CPXM2: variants seen among roughly 807,000 people sequenced by gnomAD.
CPXM2 encodes inactive carboxypeptidase-like protein X2.
A neutral mutation model predicts 86.1 loss-of-function variants in CPXM2; 66 were observed. That is an observed-to-expected ratio of 0.77 (90% CI 0.63 to 0.94). The LOEUF is 0.94. Ranked by LOEUF, CPXM2 falls within the 40% of genes least tolerant of loss-of-function variation. The pLI is 0.00. For synonymous variants in CPXM2, 388 were observed against 400.2 expected, an observed-to-expected ratio of 0.97 and a Z score of 0.36; for missense variants, 948 against 1,026.3, an observed-to-expected ratio of 0.92 and a Z score of 1.04.
Position 123,768,729 on chromosome 10 carries a change from T to C in CPXM2, c.1103-7A>G, listed in dbSNP as rs1288500259. The stretch of plus-strand genomic sequence containing the variant: ...TAGTGGAACTCGGGCTCACCTTTAC[T>C]CAAAGACAGAGAGAAGCACAGGTTC... On this transcript the variant is annotated splice_polypyrimidine_tract_variant and splice_region_variant and intron_variant, in intron 8 of 13. Transcript: ENST00000241305. The C allele has an allele frequency of 7.5e-6, 12 of 1,605,888 alleles. 1 individual carries two copies. Among genetic ancestry groups the C allele is most frequent in the Non-Finnish European group, 1.0e-5 (12 of 1,179,434 alleles).
At position 123,903,895 on chromosome 10, in the gene CPXM2, A is replaced by C. The variant is rs143807230; in HGVS notation, n.175-23586T>G. Among the ~76,000 whole-genome samples, 892 of 152,294 alleles carry C rather than the reference A, an allele frequency of 5.9e-3. 15 individuals are homozygous for C. The highest frequency in any genetic ancestry group is 0.031 in the Admixed American group (470 of 15,306). The stretch of plus-strand genomic sequence containing the variant: ...CAGAAATAGGAGATGTGCTGGGGGA[A>C]GCTCTCAGACTCTGGCGTGGGTTTG... On this transcript the variant is annotated intron_variant and non_coding_transcript_variant, in intron 2 of 19. Coordinates refer to the CPXM2 transcript ENST00000368854.
rs202210136 is a variant in CPXM2 at position 123,880,238 on chromosome 10, G to A, written c.376C>T (p.Arg126Cys). 21 of 1,497,290 alleles carry A rather than the reference G, an allele frequency of 1.4e-5. No individual in the cohort carries two copies. The highest frequency in any genetic ancestry group is 3.4e-5 in the South Asian group (3 of 89,262). The allele number at this position is 1,497,290 out of a possible 1,614,324, so 92.8% of individuals were successfully genotyped here. A position where few individuals can be genotyped will look rare whatever the true frequency, so the allele number is the denominator to read the frequency against. Residue 126 changes from arginine to cysteine, a missense_variant, in exon 2 of 14, where the codon CGT becomes TGT. By Grantham distance (180) the Arg-to-Cys change is radical. Transcript: ENST00000241305. ...EKAANDDHSV[R>C]VAREDVRESC... ...TCTCTGACATCTTCACGGGCCACAC[G>A]GACACTGTGATCATCGTTGGCAGCC... is the stretch of plus-strand genomic sequence containing the variant.
chr10:123,901,903 T>C (rs1945385702), intron 2 of CPXM2, among the ~76,000 whole-genome samples: 1 of 152,160 alleles, frequency 6.6e-6, no homozygotes, highest in Non-Finnish European at 1.5e-5. Flanking sequence ...GTGTCATCAC[T>C]CGGAGGTAAG....
Position 123,799,109 on chromosome 10 carries a change from A to T in CPXM2, c.738+6T>A. 1.2e-6 allele frequency: 2 copies of T among 1,613,916 alleles called. No homozygotes were observed. Among genetic ancestry groups the T allele is most frequent in the Non-Finnish European group, 1.7e-6 (2 of 1,179,996 alleles). On this transcript the variant is annotated splice_donor_region_variant and intron_variant, in intron 5 of 13. Coordinates refer to ENST00000241305, the MANE Select transcript of CPXM2 (RefSeq NM_198148.3). ...AAGGCATGGTTAAATGGAGGATGAGACTCACCATGTCTCCAGATCCATTCT... is the reference window on the plus strand; with the variant it reads ...AAGGCATGGTTAAATGGAGGATGAGTCTCACCATGTCTCCAGATCCATTCT...
intron 7 of CPXM2, among the ~76,000 whole-genome samples, chr10:123,779,785 T>C (rs1043635442): frequency 6.6e-6 from 1 of 152,238 alleles, no homozygotes; most frequent in Middle Eastern, 3.2e-3. Context: ...TGTATGTAAG[T>C]TGATCCTATG....
intron 4 of CPXM2, among the ~76,000 whole-genome samples, chr10:123,805,390 G>A (rs998475658): frequency 6.6e-6 from 1 of 151,736 alleles, no homozygotes. Context: ...CATAAATTTC[G>A]ATAGGTCATA....
intron 6 of CPXM2, among the ~76,000 whole-genome samples, chr10:123,795,454 G>C (rs7906697): frequency 0.81 from 123,133 of 152,108 alleles, 50,128 homozygotes; most frequent in African/African-American, 0.88. Context: ...AAAGGTAAAT[G>C]AATGTTTCGT....
At chr10:123,877,084 C>T (rs1945000459) in intron 2 of CPXM2, among the ~76,000 whole-genome samples, 1 of 152,176 alleles carries the variant, frequency 6.6e-6, no homozygotes, top group South Asian at 2.1e-4. Flanking sequence ...ATGTAAAAAA[C>T]AAGCCCTCAT....
intron 2 of CPXM2, among the ~76,000 whole-genome samples, chr10:123,873,533 G>C (rs371118677): frequency 3.9e-5 from 6 of 152,152 alleles, no homozygotes; most frequent in African/African-American, 1.4e-4. Context: ...AAATGTGTGC[G>C]TGTGTGTTTA....
upstream of CPXM2, among the ~76,000 whole-genome samples, chr10:123,893,667 CA>C (rs1347616531): frequency 1.3e-5 from 2 of 152,050 alleles, no homozygotes; most frequent in African/African-American, 4.8e-5. Flanking sequence ...CCTGGATCCC[CA>C]CCCACCCTCC....
intron 11 of CPXM2, among the ~76,000 whole-genome samples, chr10:123,759,594 G>A (rs1262021163): frequency 1.3e-5 from 2 of 152,230 alleles, no homozygotes; most frequent in African/African-American, 4.8e-5. Context: ...GTGTGAACAA[G>A]GGGCCATGAC....
At chr10:123,816,469 G>C (rs1847816917) in intron 4 of CPXM2, among the ~76,000 whole-genome samples, 1 of 152,210 alleles carries the variant, frequency 6.6e-6, no homozygotes, top group Non-Finnish European at 1.5e-5. Flanking sequence ...TCAAGGGCTT[G>C]AAAGGTAGTG....
At chr10:123,783,587 C>T (rs2134034682) in intron 6 of CPXM2, among the ~76,000 whole-genome samples, 1 of 152,294 alleles carries the variant, frequency 6.6e-6, no homozygotes, top group Non-Finnish European at 1.5e-5. Context: ...GTGTGGCCAA[C>T]CTGCCAGTCT....
At chr10:123,941,182 AT>A (rs1945773690), upstream of CPXM2, among the ~76,000 whole-genome samples, 2 of 152,232 alleles carry the variant, frequency 1.3e-5, no homozygotes, top group African/African-American at 4.8e-5. Context: ...AAACAAAAAA[AT>A]AAATAAATTA....
At chr10:123,886,968 C>G (rs1342854936) in intron 1 of CPXM2, 4 of 152,196 alleles carry the variant, frequency 2.6e-5, no homozygotes, top group African/African-American at 9.7e-5. Context: ...TGGCCCCTTA[C>G]CTTATTCATA....
At chr10:123,936,869 T>A (rs181283249) in intron 2 of CPXM2, among the ~76,000 whole-genome samples, 18 of 152,192 alleles carry the variant, frequency 1.2e-4, no homozygotes, top group Admixed American at 7.9e-4. Flanking sequence ...AGTTCCCTCC[T>A]CTTGACTTTT....
intron 2 of CPXM2, among the ~76,000 whole-genome samples, chr10:123,866,376 C>G (rs552897510): frequency 6.8e-6 from 1 of 146,240 alleles, no homozygotes; most frequent in East Asian, 1.9e-4. Flanking sequence ...CCAGCCTGGC[C>G]GATATGGTGA....
chr10:123,817,507 G>A (rs947038040), intron 4 of CPXM2, among the ~76,000 whole-genome samples: 6 of 152,120 alleles, frequency 3.9e-5, no homozygotes, highest in East Asian at 3.9e-4. Context: ...GTCACCATGC[G>A]ACCTCAACTG....
chr10:123,756,710 A>C (rs752545148), intron 12 of CPXM2, among the ~76,000 whole-genome samples: 4 of 152,158 alleles, frequency 2.6e-5, no homozygotes, highest in Non-Finnish European at 4.4e-5. Flanking sequence ...TCCTAAGAAG[A>C]GGAAATTTGG....
Sources: gnomAD v4.1 joint callset for allele counts (sites outside exome capture counted in the v4.1 genomes callset) on GRCh38, gnomAD v4.1.1 for gene constraint, MANE v1.5 for transcripts, NCBI Gene and HGNC (gene_info 2026-07-23, HGNC 2026-07-21) for gene names.